VWA8: variants seen among roughly 807,000 people sequenced by gnomAD.
VWA8 encodes von Willebrand factor A domain-containing protein 8.
In VWA8, 221 loss-of-function variants were observed where a neutral mutation model predicts 241.5. The observed-to-expected ratio is 0.91, with a 90% CI of 0.82 to 1.02. The LOEUF (loss-of-function observed/expected upper bound fraction) is 1.02. Ranked by LOEUF, VWA8 falls within the 50% of genes least tolerant of loss-of-function variation. The pLI is 0.00. For synonymous variants in VWA8, 852 were observed against 827.1 expected (o/e 1.03, Z -0.52); for missense variants, 2,322 against 2,328.7 (o/e 1.00, Z 0.06).
intron 14 of VWA8, among the ~76,000 whole-genome samples, chr13:41,830,105 T>C (rs1871371870): frequency 6.6e-6 from 1 of 151,624 alleles, no homozygotes; most frequent in African/African-American, 2.4e-5. Context: ...TAGCTGGGTG[T>C]AGTGGCGGGC....
At chr13:41,842,898 A>C (rs1449827787) in intron 12 of VWA8, among the ~76,000 whole-genome samples, 1 of 152,212 alleles carries the variant, frequency 6.6e-6, no homozygotes. Flanking sequence ...GGAGTAAGGG[A>C]GCAGCCAGCA....
chr13:41,654,597 C>T (rs372709989), intron 37 of VWA8, among the ~76,000 whole-genome samples: 4 of 152,208 alleles, frequency 2.6e-5, no homozygotes, highest in East Asian at 1.9e-4. Flanking sequence ...CTGCTGCTGG[C>T]GAGCTGCTGG....
chr13:41,858,696 C>A (rs1422440140), intron 12 of VWA8, among the ~76,000 whole-genome samples: 1 of 151,906 alleles, frequency 6.6e-6, no homozygotes, highest in South Asian at 2.1e-4. Flanking sequence ...TTGCTAGAGT[C>A]AACCATTTTA....
At chr13:41,733,840 A>G (rs2045504409) in intron 21 of VWA8, among the ~76,000 whole-genome samples, 1 of 152,172 alleles carries the variant, frequency 6.6e-6, no homozygotes, top group African/African-American at 2.4e-5. Flanking sequence ...GGCTCACTGG[A>G]GGAATTCTAT....
intron 23 of VWA8, among the ~76,000 whole-genome samples, chr13:41,728,899 G>C (rs528997117): frequency 1.3e-4 from 20 of 151,972 alleles, no homozygotes; most frequent in Non-Finnish European, 2.8e-4. Context: ...TCAATGGCTA[G>C]TTATAGATTT....
intron 2 of VWA8, among the ~76,000 whole-genome samples, chr13:41,921,925 A>G (rs571400171): frequency 2.0e-5 from 3 of 152,180 alleles, no homozygotes; most frequent in Non-Finnish European, 4.4e-5. Context: ...ACAGAATTGG[A>G]AAAGACTACT....
At chr13:41,784,697 C>CATACATAT (rs1555335046) in intron 18 of VWA8, among the ~76,000 whole-genome samples, 1 of 57,022 alleles carries the variant, frequency 1.8e-5, no homozygotes, top group Non-Finnish European at 3.7e-5. Context: ...TATACATATA[C>CATACATAT]ATATATATAT....
intron 35 of VWA8, among the ~76,000 whole-genome samples, chr13:41,682,271 G>A (rs752222306): frequency 6.6e-6 from 1 of 152,138 alleles, no homozygotes; most frequent in Non-Finnish European, 1.5e-5. Context: ...AAAGAGAAAC[G>A]ACAGGACAGT....
intron 2 of VWA8, among the ~76,000 whole-genome samples, chr13:41,915,370 A>T (rs1876202866): frequency 1.3e-5 from 2 of 152,346 alleles, no homozygotes; most frequent in South Asian, 4.1e-4. Context: ...TACTGCTACC[A>T]TTCTAGGCCT....
chr13:41,911,806 G>A (rs1876013214), intron 3 of VWA8, among the ~76,000 whole-genome samples: 1 of 152,054 alleles, frequency 6.6e-6, no homozygotes, highest in African/African-American at 2.4e-5. Context: ...TGGAAGTGGG[G>A]GACTTTCTAG....
chr13:41,916,554 C>T (rs2138119766), intron 2 of VWA8, among the ~76,000 whole-genome samples: 1 of 152,326 alleles, frequency 6.6e-6, no homozygotes, highest in Admixed American at 6.5e-5. Flanking sequence ...ATCAGAGGAT[C>T]TACTTCTCAA....
intron 42 of VWA8, 136 bp from the exon 43 acceptor site, chr13:41,575,974 A>G: frequency 1.7e-6 from 1 of 600,418 alleles, no homozygotes. Context: ...GCAGTGAGAC[A>G]GAAGTGTGTT....
intron 32 of VWA8, 66 bp downstream of exon 32, chr13:41,691,254 T>G: frequency 6.5e-7 from 1 of 1,535,524 alleles, no homozygotes; most frequent in Non-Finnish European, 8.8e-7. Flanking sequence ...AGTAAAGATG[T>G]TGGATAATTC....
intron 12 of VWA8, among the ~76,000 whole-genome samples, chr13:41,853,521 T>C (rs1448015933): frequency 2.0e-5 from 3 of 152,192 alleles, no homozygotes; most frequent in Admixed American, 2.0e-4. Flanking sequence ...TTTTCTCTGG[T>C]GGCAGGTTTT....
intron 12 of VWA8, among the ~76,000 whole-genome samples, chr13:41,846,157 G>A (rs1872282256): frequency 6.6e-6 from 1 of 151,628 alleles, no homozygotes; most frequent in Non-Finnish European, 1.5e-5. Flanking sequence ...TGATCCATCC[G>A]CCCAAGTAGG....
At chr13:41,579,998 C>T (rs942688823) in intron 42 of VWA8, among the ~76,000 whole-genome samples, 7 of 152,090 alleles carry the variant, frequency 4.6e-5, no homozygotes, top group East Asian at 1.9e-4. Flanking sequence ...AGGCATGCGC[C>T]GCCACACCTG....
intron 37 of VWA8, among the ~76,000 whole-genome samples, chr13:41,660,873 G>C (rs12868547): frequency 0.02 from 2,984 of 151,842 alleles, 66 homozygotes; most frequent in African/African-American, 0.054. Context: ...TCTGAGAATT[G>C]GGTTTCTTTT....
At chr13:41,579,305 T>C (rs2044368512) in intron 42 of VWA8, among the ~76,000 whole-genome samples, 1 of 152,218 alleles carries the variant, frequency 6.6e-6, no homozygotes, top group Admixed American at 6.5e-5. Context: ...GATCAGAAGA[T>C]AAATATGTGA....
rs534176304 is a variant in VWA8, at chr13:41,727,444, T to A, written c.2639-131A>T. 8.3e-6 allele frequency: 7 copies of A among 842,378 alleles called. No individual in the cohort carries two copies. The South Asian group carries it at 1.6e-4, about 20-fold the overall frequency. 52.2% of individuals were successfully genotyped at this position (842,378 alleles called of 1,614,324 possible). On this transcript the variant is annotated intron_variant, in intron 23 of 44. Transcript: ENST00000379310. Reference sequence around the variant, plus strand: ...AAAGCTCTAAGATATTTGGCTGTGATAACTTGGTTGCAGAAACAAAAACTT... The same window carrying A: ...AAAGCTCTAAGATATTTGGCTGTGAAAACTTGGTTGCAGAAACAAAAACTT...
Sources: gnomAD v4.1 joint callset for allele counts (sites outside exome capture counted in the v4.1 genomes callset) on GRCh38, gnomAD v4.1.1 for gene constraint, MANE v1.5 for transcripts, NCBI Gene and HGNC (gene_info 2026-07-23, HGNC 2026-07-21) for gene names.